DLG3: variants seen among roughly 807,000 people sequenced by gnomAD.
The protein encoded by DLG3 is disks large homolog 3.
A neutral mutation model predicts 64.1 loss-of-function variants in DLG3; 1 was observed. The ratio of observed to expected loss-of-function variants is 0.02; its 90% CI spans 0.01 to 0.07. DLG3 has a LOEUF of 0.07. DLG3 is among the 10% of genes least tolerant of loss of function. The probability of loss-of-function intolerance (pLI) is 1.00; values close to 1 mark genes in which losing one functional copy is unlikely to be tolerated. For synonymous variants in DLG3, 245 were observed against 259.8 expected, an observed-to-expected ratio of 0.94 and a Z score of 0.55; for missense variants, 429 against 669.5, an observed-to-expected ratio of 0.64 and a Z score of 3.96.
rs2281869 is a variant in DLG3 at position 70,449,016 on chromosome X, G to A, written c.408+53G>A. On this transcript the variant is annotated intron_variant, in intron 2 of 18. Coordinates refer to ENST00000374360, the MANE Select transcript of DLG3 (RefSeq NM_021120.4). ...AAGGGAAGGAGAGGGTTGGAGCCAG[G>A]ATAAGGGAGACCCCTGAATCATGGT... The A allele has an allele frequency of 4.3e-6, 5 of 1,151,398 alleles. No individual in the cohort carries two copies. In the East Asian group the frequency reaches 1.5e-4, roughly 35 times the overall value. The allele number at this position is 1,151,398 out of a possible 1,213,427, so 94.9% of individuals were successfully genotyped here.
chrX:70,484,157 T>C (rs2087213870), intron 10 of DLG3, among the ~76,000 whole-genome samples: 1 of 112,120 alleles, frequency 8.9e-6, no homozygotes, highest in African/African-American at 3.2e-5. Flanking sequence ...AGTACAGTTG[T>C]AGAAATAGCT....
intron 1 of DLG3, among the ~76,000 whole-genome samples, chrX:70,448,370 G>T (rs999595223): frequency 8.9e-6 from 1 of 112,301 alleles, no homozygotes; most frequent in Non-Finnish European, 1.9e-5. Context: ...CTGGGCCTCC[G>T]TGTCACCTAC....
At chrX:70,498,418 C>T (rs184123323) in intron 13 of DLG3, 102 bp from the exon 14 acceptor site, 52 of 833,024 alleles carry the variant, frequency 6.2e-5, no homozygotes, top group Non-Finnish European at 7.1e-6. Context: ...GTGGCAAGGA[C>T]CACCTGATAA....
intron 9 of DLG3, among the ~76,000 whole-genome samples, chrX:70,475,332 G>A (rs1167564781): frequency 1.8e-5 from 2 of 111,958 alleles, no homozygotes; most frequent in Non-Finnish European, 1.9e-5. Flanking sequence ...TTAAAATGAA[G>A]TCTGTGTACT....
rs1421730747 is a variant in DLG3 at position 70,501,413 on chromosome X, C to CTGTCTGTGTGTGTG, written c.2347+427_2347+428insCTGTGTGTGTGTGT. On this transcript the variant is annotated intron_variant, in intron 18 of 18. Coordinates refer to ENST00000374360, the MANE Select transcript of DLG3 (RefSeq NM_021120.4). ...TCTGTTGGGGTGTCTGTCTGTCTGT[C>CTGTCTGTGTGTGTG]TGTGTGTGTGTGTGTGTGTGTGTGT... Among the ~76,000 whole-genome samples, 418 of 93,873 alleles carry CTGTCTGTGTGTGTG rather than the reference C, an allele frequency of 4.5e-3. 2 individuals carry two copies. Among genetic ancestry groups the CTGTCTGTGTGTGTG allele is most frequent in the African/African-American group, 0.012 (304 of 24,437 alleles). The allele number at this position is 93,873 out of a possible 115,157, so 81.5% of individuals were successfully genotyped here. A position where few individuals can be genotyped will look rare whatever the true frequency, so the allele number is the denominator to read the frequency against.
chrX:70,446,041 C>T (rs1004845823), intron 1 of DLG3, among the ~76,000 whole-genome samples: 3 of 110,545 alleles, frequency 2.7e-5, no homozygotes, highest in African/African-American at 9.9e-5. Context: ...AGCCCATGTG[C>T]CCGGCTCGCT....
intron 16 of DLG3, 37 bp from the exon 17 acceptor site, chrX:70,500,434 G>T: frequency 1.9e-6 from 2 of 1,058,473 alleles, no homozygotes; most frequent in Non-Finnish European, 2.6e-6. Flanking sequence ...TTGGTGAATA[G>T]GGAGTGGCTG....
intron 12 of DLG3, chrX:70,493,573 G>T (rs1462041467): frequency 2.7e-6 from 2 of 727,784 alleles, no homozygotes; most frequent in African/African-American, 4.2e-5. Context: ...AGGGCCACGT[G>T]TGGCCTCGTG....
intron 9 of DLG3, among the ~76,000 whole-genome samples, chrX:70,455,473 G>A (rs866762400): frequency 3.6e-5 from 4 of 109,825 alleles, no homozygotes; most frequent in African/African-American, 6.6e-5. Flanking sequence ...ACCCTACACT[G>A]GGCCCAGTCT....
intron 9 of DLG3, among the ~76,000 whole-genome samples, chrX:70,471,302 TAAC>T (rs2086964976): frequency 9.0e-6 from 1 of 110,532 alleles, no homozygotes; most frequent in Non-Finnish European, 1.9e-5. Flanking sequence ...GTTAAGGAAA[TAAC>T]AACATTTAGC....
Position 70,492,290 on chromosome X carries a change from C to T in DLG3, c.1697+7C>T, listed in dbSNP as rs1404443453. 4.1e-6 allele frequency: 5 copies of T among 1,208,821 alleles called. No homozygotes were observed. Among genetic ancestry groups the T allele is most frequent in the Admixed American group, 4.4e-5 (2 of 45,715 alleles). The stretch of plus-strand genomic sequence containing the variant: ...TGATCCCCAGTAAGAAGAGGTGAGT[C>T]GTCATGATCATGAGCAAGGCCTTTC... On this transcript the variant is annotated splice_region_variant and intron_variant, in intron 11 of 18. Transcript: ENST00000374360.
chrX:70,449,309 C>T (rs1486631462), intron 2 of DLG3, 50 bp from the exon 3 acceptor site: 1 of 1,209,548 alleles, frequency 8.3e-7, no homozygotes, highest in South Asian at 1.8e-5. Context: ...CAGAACTCTC[C>T]TTTGTGCCCT....
In DLG3 at chrX:70,505,327, TGTGCC is replaced by T. The variant is rs1415900649; in HGVS notation, c.*3062_*3066del. On this transcript the variant is annotated 3_prime_UTR_variant, in exon 19 of 19. Coordinates refer to ENST00000374360, the MANE Select transcript of DLG3 (RefSeq NM_021120.4). ...CACCCTTAACACTGCCGTGCTGTGC[TGTGCC>T]GTGTCCTGAAGGAGGAGAGAGCCCT... The T allele has an allele frequency of 4.5e-5, 5 of 111,973 alleles. No individual in the cohort carries two copies. Among genetic ancestry groups the T allele is most frequent in the Non-Finnish European group, 7.5e-5 (4 of 53,212 alleles). The allele number at this position is 111,973 out of a possible 1,213,427, so 9.2% of individuals were successfully genotyped here.
chrX:70,471,332 T>G (rs906630948), intron 9 of DLG3, among the ~76,000 whole-genome samples: 66 of 96,259 alleles, frequency 6.9e-4, no homozygotes, highest in Non-Finnish European at 1.2e-3. Flanking sequence ...AAGACATAAC[T>G]TTTTTTTTTT....
intron 1 of DLG3, among the ~76,000 whole-genome samples, chrX:70,447,148 G>A (rs1455167298): frequency 1.8e-5 from 2 of 110,861 alleles, no homozygotes; most frequent in East Asian, 5.7e-4. Flanking sequence ...AGGTTTCTTT[G>A]CCAGGGCTGA....
At chrX:70,455,147 C>G in intron 9 of DLG3, 5 of 749,908 alleles carry the variant, frequency 6.7e-6, no homozygotes, top group Non-Finnish European at 7.9e-6. Flanking sequence ...CCCCTCCTCT[C>G]TCCTCCCCTC....
intron 15 of DLG3, 59 bp downstream of exon 15, chrX:70,499,336 A>G: frequency 1.1e-6 from 1 of 894,463 alleles, no homozygotes; most frequent in Non-Finnish European, 1.6e-6. Flanking sequence ...TTGTTGCTCT[A>G]ATGTTTTATG....
intron 10 of DLG3, among the ~76,000 whole-genome samples, chrX:70,489,833 C>T (rs2087325488): frequency 9.0e-6 from 1 of 111,120 alleles, no homozygotes; most frequent in South Asian, 3.8e-4. Context: ...ACAAATTCAT[C>T]CTAACTCCCC....
chrX:70,453,867 C>T (rs183111844), intron 8 of DLG3, 74 bp downstream of exon 8: 423 of 967,370 alleles, frequency 4.4e-4, no homozygotes, highest in African/African-American at 3.9e-3. Context: ...ACCTTACTTC[C>T]TCCGAGGAAT....
Sources: allele counts gnomAD v4.1 joint callset (sites outside exome capture counted in the v4.1 genomes callset), GRCh38; gene constraint gnomAD v4.1.1; transcripts MANE v1.5; gene names NCBI Gene and HGNC (gene_info 2026-07-23, HGNC 2026-07-21).